NUMA1: variants seen among roughly 807,000 people sequenced by gnomAD.
NUMA1 encodes nuclear mitotic apparatus protein 1.
NUMA1 carries 62 observed loss-of-function variants against 237.1 expected under a neutral mutation model. The observed-to-expected ratio is 0.26, with a 90% confidence interval of 0.21 to 0.32. NUMA1 has a LOEUF of 0.32. NUMA1 is among the 10% of genes least tolerant of loss of function. The pLI, the probability that NUMA1 is intolerant of heterozygous loss-of-function variation, is 1.00. For synonymous variants in NUMA1, 1,028 were observed against 1,066.1 expected (o/e 0.96, Z 0.70); for missense variants, 2,533 against 2,666.5 (o/e 0.95, Z 1.10).
At chr11:72,055,373 A>T (rs1565280628) in intron 2 of NUMA1, among the ~76,000 whole-genome samples, 1 of 152,186 alleles carries the variant, frequency 6.6e-6, no homozygotes, top group African/African-American at 2.4e-5. Context: ...AAGGTCATAC[A>T]GCTAAAAAGC....
chr11:72,013,850 T>C lies in NUMA1; in HGVS notation c.3653A>G (p.Gln1218Arg). 2 of 1,613,422 alleles carry C rather than the reference T, an allele frequency of 1.2e-6. No homozygotes were observed. The highest frequency in any genetic ancestry group is 2.2e-5 in the South Asian group (2 of 91,086). The change falls in exon 15 of 27, where the codon CAA (glutamine) becomes CGA (arginine). Residue 1218 changes from glutamine to arginine, a missense_variant. By Grantham distance (43) the Gln-to-Arg change is conservative. This residue lies in a region of NUMA1 where 1,414 missense variants were observed against 1,508.1 expected (regional missense o/e 0.94). Coordinates refer to ENST00000393695, the MANE Select transcript of NUMA1 (RefSeq NM_006185.4). The surrounding 1 kb of genome is among the most constrained non-coding windows in gnomAD (Gnocchi z 6.8). ...GAGGCTATTTTTCCTCTCAGCCTCT[T>C]GCCGGCCCCGGGCCACCTGGGCCTT... ...EWKAQVARGR[Q>R]EAERKNSLIS...
chr11:72,007,043 G>A (rs1590864187), intron 21 of NUMA1, 146 bp downstream of exon 21: 7 of 925,178 alleles, frequency 7.6e-6, no homozygotes, highest in South Asian at 3.4e-5. Flanking sequence ...CCAAGTCACT[G>A]CCCTTTTTAA....
In NUMA1 at chr11:72,058,554, C is replaced by T. The variant is rs141890354; in HGVS notation, c.-33+11288G>A. ...TTTCAAACAATGCTGTAATGAGTATCCTTGACGTATTTCAAGTTAAAGAAA... is the reference window on the plus strand; with the variant it reads ...TTTCAAACAATGCTGTAATGAGTATTCTTGACGTATTTCAAGTTAAAGAAA... On this transcript the variant is annotated intron_variant, in intron 2 of 26. Coordinates refer to ENST00000393695, the MANE Select transcript of NUMA1 (RefSeq NM_006185.4). 7.9e-3 allele frequency among the ~76,000 whole-genome samples: 1,205 copies of T among 152,264 alleles called. 9 individuals are homozygous for T. Among genetic ancestry groups the T allele is most frequent in the Middle Eastern group, 0.014 (4 of 294 alleles).
At chr11:72,005,611 C>G (rs1266684226) in intron 22 of NUMA1, 4 of 540,452 alleles carry the variant, frequency 7.4e-6, no homozygotes, top group Non-Finnish European at 1.3e-5. Context: ...GCTACTACAT[C>G]TTACTCACCT....
chr11:72,044,464 C>A (rs1292296285), intron 2 of NUMA1, among the ~76,000 whole-genome samples: 1 of 152,046 alleles, frequency 6.6e-6, no homozygotes, highest in Non-Finnish European at 1.5e-5. Flanking sequence ...GAGCAGGAGA[C>A]TGGATCCTCT....
chr11:72,061,449 T>C (rs1221512105), intron 2 of NUMA1, among the ~76,000 whole-genome samples: 1 of 151,946 alleles, frequency 6.6e-6, no homozygotes, highest in Non-Finnish European at 1.5e-5. Context: ...CTAAAAGATT[T>C]TCTATGCACT....
At chr11:72,079,915 A>G (rs1166350524) in intron 1 of NUMA1, among the ~76,000 whole-genome samples, 2 of 152,024 alleles carry the variant, frequency 1.3e-5, no homozygotes, top group African/African-American at 4.8e-5. Flanking sequence ...CCCCGTCCCC[A>G]TTTATGCCCA....
chr11:72,003,623 C>CA, intron 26 of NUMA1, 85 bp from the exon 27 acceptor site: 1 of 1,553,194 alleles, frequency 6.4e-7, no homozygotes, highest in Non-Finnish European at 8.9e-7. Context: ...TTCCTGCTCC[C>CA]ACGCCCCTGT....
At chr11:72,048,429 T>G (rs1206659207) in intron 2 of NUMA1, among the ~76,000 whole-genome samples, 2 of 152,138 alleles carry the variant, frequency 1.3e-5, no homozygotes, top group African/African-American at 4.8e-5. Flanking sequence ...TGGAGTACAA[T>G]GGCACGACCT....
At chr11:72,021,381 C>T (rs1938796689) in intron 7 of NUMA1, 90 bp from the exon 8 acceptor site, 2 of 1,152,568 alleles carry the variant, frequency 1.7e-6, no homozygotes, top group Non-Finnish European at 1.3e-6. Flanking sequence ...GTGCCAGTCC[C>T]CGGCTCCCTC....
rs558865546 is a variant in NUMA1 at position 72,035,545 on chromosome 11, T to C, written c.42+357A>G. ...GCCTCAGCCTCCCGAGTGACTGGGA[T>C]TACAGGTGCCCGCCACCACAGCCAG... On this transcript the variant is annotated intron_variant, in intron 3 of 26. Transcript: ENST00000393695. Among the ~76,000 whole-genome samples, 3 of 151,980 alleles carry C rather than the reference T, an allele frequency of 2.0e-5. No individual in the cohort carries two copies. The South Asian group carries it at 6.3e-4, about 32-fold the overall frequency.
At chr11:72,009,668 C>T (rs767148399) in intron 17 of NUMA1, among the ~76,000 whole-genome samples, 9 of 152,224 alleles carry the variant, frequency 5.9e-5, no homozygotes, top group Non-Finnish European at 8.8e-5. Flanking sequence ...ACCCTCTTTG[C>T]ATGCACAATC....
At chr11:72,071,774 C>G (rs1449859953) in intron 1 of NUMA1, among the ~76,000 whole-genome samples, 2 of 152,110 alleles carry the variant, frequency 1.3e-5, no homozygotes, top group East Asian at 1.9e-4. Flanking sequence ...GATAAATAGA[C>G]AGCAAATTTG....
At chr11:72,078,691 A>C (rs1008663672) in intron 1 of NUMA1, among the ~76,000 whole-genome samples, 1 of 152,254 alleles carries the variant, frequency 6.6e-6, no homozygotes, top group African/African-American at 2.4e-5. Context: ...CCTTGCTAGA[A>C]CTTAGGCTAC....
At chr11:72,059,438 G>A (rs1942830296) in intron 2 of NUMA1, among the ~76,000 whole-genome samples, 1 of 152,122 alleles carries the variant, frequency 6.6e-6, no homozygotes, top group African/African-American at 2.4e-5. Context: ...ACCATACCCA[G>A]CTAATTTATT....
intron 1 of NUMA1, among the ~76,000 whole-genome samples, chr11:72,079,683 G>A (rs1424205244): frequency 1.3e-5 from 2 of 151,308 alleles, no homozygotes; most frequent in African/African-American, 4.9e-5. Flanking sequence ...TGTACTCTCC[G>A]AGGTGCGTGT....
chr11:72,037,479 T>C (rs1941169534), intron 2 of NUMA1, among the ~76,000 whole-genome samples: 1 of 151,924 alleles, frequency 6.6e-6, no homozygotes. Context: ...GCACTCCAGT[T>C]TGGGTGACAG....
chr11:72,009,540 G>T (rs997372236), intron 17 of NUMA1, among the ~76,000 whole-genome samples, 153 bp from the exon 18 acceptor site: 1 of 152,170 alleles, frequency 6.6e-6, no homozygotes, highest in Non-Finnish European at 1.5e-5. Flanking sequence ...CTCTCTGCCC[G>T]ACTACAGTCT....
chr11:72,017,470 T>C (rs1231998419), intron 13 of NUMA1: 1 of 586,390 alleles, frequency 1.7e-6, no homozygotes, highest in African/African-American at 1.9e-5. Flanking sequence ...TTGAAAGGTG[T>C]ACTATAAAGT....
Sources: gnomAD v4.1 joint callset for allele counts (sites outside exome capture counted in the v4.1 genomes callset) on GRCh38, gnomAD v4.1.1 for gene constraint, gnomAD v4.1.1 regional missense constraint, Gnocchi (gnomAD v3.1) non-coding constraint, MANE v1.5 for transcripts, NCBI Gene and HGNC (gene_info 2026-07-23, HGNC 2026-07-21) for gene names.